USH2A: variants seen among roughly 807,000 people sequenced by gnomAD.
USH2A encodes Usher syndrome 2A (autosomal recessive, mild).
USH2A carries 443 observed loss-of-function variants against 538.9 expected under a neutral mutation model. The ratio of observed to expected loss-of-function variants is 0.82; its 90% CI spans 0.76 to 0.89. The LOEUF (loss-of-function observed/expected upper bound fraction) is 0.89. USH2A is among the 40% of genes least tolerant of loss of function. The probability of loss-of-function intolerance (pLI) is 0.00; values close to 1 mark genes in which losing one functional copy is unlikely to be tolerated. For synonymous variants in USH2A, 2,413 were observed against 2,273.5 expected, an observed-to-expected ratio of 1.06 and a Z score of -1.75; for missense variants, 6,633 against 6,324.8, an observed-to-expected ratio of 1.05 and a Z score of -1.65.
At chr1:215,942,099 G>T (rs1257407617) in intron 37 of USH2A, among the ~76,000 whole-genome samples, 1 of 152,090 alleles carries the variant, frequency 6.6e-6, no homozygotes, top group East Asian at 1.9e-4. Flanking sequence ...AATGAGGAAG[G>T]ATCTCTCGCA....
At chr1:216,061,387 T>C (rs2031176419) in intron 30 of USH2A, among the ~76,000 whole-genome samples, 1 of 152,248 alleles carries the variant, frequency 6.6e-6, no homozygotes, top group Non-Finnish European at 1.5e-5. Context: ...TATTTTCTAT[T>C]TACTTTTAAT....
chr1:216,050,231 G>A (rs1400328400), intron 30 of USH2A, among the ~76,000 whole-genome samples: 1 of 152,208 alleles, frequency 6.6e-6, no homozygotes, highest in East Asian at 1.9e-4. Flanking sequence ...AAGCCAGATT[G>A]CTGGCTCCAA....
chr1:216,392,520 C>T (rs1232685571), intron 3 of USH2A, among the ~76,000 whole-genome samples: 2 of 144,020 alleles, frequency 1.4e-5, no homozygotes, highest in African/African-American at 5.2e-5. Flanking sequence ...AAAAAAAATC[C>T]AAAGTGTAGC....
chr1:216,132,670 G>A (rs1211697272), intron 21 of USH2A, among the ~76,000 whole-genome samples: 1 of 152,024 alleles, frequency 6.6e-6, no homozygotes, highest in Non-Finnish European at 1.5e-5. Flanking sequence ...AGAAACTGAG[G>A]CAAACATAAC....
chr1:216,154,885 G>A (rs1008849424), intron 21 of USH2A, among the ~76,000 whole-genome samples: 11 of 141,324 alleles, frequency 7.8e-5, no homozygotes, highest in African/African-American at 1.8e-4. Context: ...GGCGCAATGC[G>A]TATGTGTGTG....
chr1:215,753,102 C>A (rs1271951359), intron 58 of USH2A, among the ~76,000 whole-genome samples: 1 of 152,130 alleles, frequency 6.6e-6, no homozygotes, highest in Non-Finnish European at 1.5e-5. Flanking sequence ...AAGTCAAAAC[C>A]ACAATGAGAT....
intron 37 of USH2A, among the ~76,000 whole-genome samples, chr1:215,960,500 G>A (rs1354670064): frequency 1.3e-5 from 2 of 152,094 alleles, no homozygotes; most frequent in Non-Finnish European, 2.9e-5. Context: ...ATTCACCTGT[G>A]CAAGGTGAAT....
intron 63 of USH2A, 131 bp from the exon 64 acceptor site, chr1:215,671,424 A>G: frequency 2.0e-6 from 2 of 1,025,486 alleles, no homozygotes; most frequent in South Asian, 3.0e-5. Context: ...AATTCTTAAG[A>G]ATAACAAAGT....
At chr1:215,645,941 T>C (rs1015727207) in intron 67 of USH2A, among the ~76,000 whole-genome samples, 3 of 151,968 alleles carry the variant, frequency 2.0e-5, no homozygotes, top group Non-Finnish European at 2.9e-5. Context: ...AAACAAAATG[T>C]CCCAATTAAT....
intron 64 of USH2A, among the ~76,000 whole-genome samples, chr1:215,667,578 T>C (rs1657670364): frequency 6.6e-6 from 1 of 151,872 alleles, no homozygotes; most frequent in Non-Finnish European, 1.5e-5. Context: ...CGGGCGCCTG[T>C]AATCCCAGCT....
intron 13 of USH2A, among the ~76,000 whole-genome samples, chr1:216,237,221 T>C (rs2102530544): frequency 6.6e-6 from 1 of 152,278 alleles, no homozygotes; most frequent in African/African-American, 2.4e-5. Context: ...CCCAGGACTC[T>C]GTTAATTTTC....
At chr1:215,762,831 G>A (rs1661019195) in intron 56 of USH2A, among the ~76,000 whole-genome samples, 1 of 152,114 alleles carries the variant, frequency 6.6e-6, no homozygotes, top group Admixed American at 6.5e-5. Context: ...AGGAGGATGG[G>A]GTGGGGTAAA....
intron 23 of USH2A, among the ~76,000 whole-genome samples, chr1:216,087,594 C>T (rs914740503): frequency 2.6e-5 from 4 of 151,984 alleles, no homozygotes; most frequent in South Asian, 2.1e-4. Flanking sequence ...ATAGATAATA[C>T]GTAAATGAAT....
chr1:216,376,670 T>G (rs762360921), intron 3 of USH2A, among the ~76,000 whole-genome samples: 1 of 152,192 alleles, frequency 6.6e-6, no homozygotes, highest in Non-Finnish European at 1.5e-5. Context: ...ATTGGATTTC[T>G]GTTTATACTT....
At chr1:216,233,208 C>T (rs1274226939) in intron 13 of USH2A, among the ~76,000 whole-genome samples, 2 of 152,108 alleles carry the variant, frequency 1.3e-5, no homozygotes, top group East Asian at 3.9e-4. Flanking sequence ...GCTCATGGCT[C>T]ATCCCCCCGC....
chr1:216,196,613 A>T lies in USH2A; in HGVS notation c.4191T>A (p.Tyr1397Ter), dbSNP rs2034850171. The change falls in exon 19 of 72, where the codon TAT (tyrosine) becomes TAA (stop). Residue 1397 changes from tyrosine to a stop codon, truncating the protein, a stop_gained. Coordinates refer to ENST00000307340, the MANE Select transcript of USH2A (RefSeq NM_206933.4). LOFTEE classifies it high-confidence loss of function. ...DNVTRGKVVGYDINMLSEQSP... is the reference protein window; with the variant it reads ...DNVTRGKVVG ...ATTGTTCAGAAAGCATATTGATGTC[A>T]TACCCCACAACTTTTCCTCTTGTAA... is the stretch of plus-strand genomic sequence containing the variant. The T allele has an allele frequency of 6.2e-7, 1 of 1,613,528 alleles. No homozygotes were observed. Among genetic ancestry groups the T allele is most frequent in the Admixed American group, 1.7e-5 (1 of 59,974 alleles).
chr1:216,412,944 T>C (rs1479916717), intron 3 of USH2A, among the ~76,000 whole-genome samples: 1 of 152,086 alleles, frequency 6.6e-6, no homozygotes, highest in South Asian at 2.1e-4. Flanking sequence ...TACAAGCATG[T>C]CACTATTTCA....
At chr1:215,767,947 A>G (rs147105511) in intron 55 of USH2A, among the ~76,000 whole-genome samples, 1 of 152,290 alleles carries the variant, frequency 6.6e-6, no homozygotes, top group Non-Finnish European at 1.5e-5. Context: ...GACTGAGCCT[A>G]TTTGTTAAAT....
chr1:216,195,588 GA>G (rs1210044056), intron 19 of USH2A, among the ~76,000 whole-genome samples: 3 of 151,988 alleles, frequency 2.0e-5, no homozygotes, highest in Non-Finnish European at 4.4e-5. Context: ...AATGTACCTG[GA>G]CAATATGGCA....
Sources: allele counts gnomAD v4.1 joint callset (sites outside exome capture counted in the v4.1 genomes callset), GRCh38; gene constraint gnomAD v4.1.1; transcripts MANE v1.5; gene names NCBI Gene and HGNC (gene_info 2026-07-23, HGNC 2026-07-21).